Variants in THSD7B observed in about 807,000 individuals in gnomAD.
THSD7B encodes thrombospondin type 1 domain containing 7B.
In THSD7B, 138 loss-of-function variants were observed where a neutral mutation model predicts 213.6. That is an observed-to-expected ratio of 0.65 (90% CI 0.56 to 0.74). THSD7B has a LOEUF of 0.74. THSD7B is among the 30% of genes least tolerant of loss of function. The pLI is 0.00. For synonymous variants in THSD7B, 742 were observed against 687.0 expected (o/e 1.08, Z -1.25); for missense variants, 1,931 against 1,991.5 (o/e 0.97, Z 0.58).
At chr2:137,238,534 C>CCT (rs1681819909) in intron 9 of THSD7B, among the ~76,000 whole-genome samples, 1 of 51,846 alleles carries the variant, frequency 1.9e-5, no homozygotes, top group Non-Finnish European at 3.5e-5. Flanking sequence ...ACTCATCTTT[C>CCT]TTTTTTTTTT....
chr2:137,131,642 T>C (rs1429042666), intron 5 of THSD7B, among the ~76,000 whole-genome samples: 3 of 152,218 alleles, frequency 2.0e-5, no homozygotes, highest in Admixed American at 2.0e-4. Context: ...AGGGAATCCT[T>C]TCCCCATTGC....
intron 1 of THSD7B, among the ~76,000 whole-genome samples, chr2:136,845,111 G>T (rs1022857777): frequency 5.9e-5 from 9 of 152,328 alleles, no homozygotes; most frequent in Non-Finnish European, 1.2e-4. Flanking sequence ...ACATGCTTTG[G>T]ATCTGGGAGG....
At chr2:137,428,532 C>T (rs1400102466) in intron 14 of THSD7B, among the ~76,000 whole-genome samples, 3 of 151,990 alleles carry the variant, frequency 2.0e-5, no homozygotes, top group African/African-American at 7.2e-5. Context: ...AGAGTGAAAA[C>T]AACCCAATTT....
At chr2:136,912,979 G>A (rs1357530927) in intron 2 of THSD7B, among the ~76,000 whole-genome samples, 2 of 152,238 alleles carry the variant, frequency 1.3e-5, no homozygotes, top group Admixed American at 6.5e-5. Flanking sequence ...AACAGACAGA[G>A]ATTGGAAGAG....
intron 3 of THSD7B, among the ~76,000 whole-genome samples, chr2:137,073,342 T>C (rs1011765243): frequency 2.0e-5 from 3 of 152,232 alleles, no homozygotes; most frequent in Non-Finnish European, 4.4e-5. Flanking sequence ...GGAGGATGTA[T>C]GTGTCGAGGA....
chr2:137,620,830 T>G (rs1000181620), intron 20 of THSD7B, 104 bp downstream of exon 20: 72 of 947,246 alleles, frequency 7.6e-5, no homozygotes, highest in Non-Finnish European at 1.8e-5. Flanking sequence ...CCAGCTGAAG[T>G]CAATATGAAA....
intron 7 of THSD7B, among the ~76,000 whole-genome samples, chr2:137,226,444 A>C (rs1219951422): frequency 6.6e-6 from 1 of 151,622 alleles, no homozygotes; most frequent in East Asian, 1.9e-4. Flanking sequence ...ATTATAGACT[A>C]TGCTGTTTGT....
intron 15 of THSD7B, among the ~76,000 whole-genome samples, chr2:137,549,310 C>CT (rs1027305359): frequency 0.022 from 552 of 25,146 alleles, 2 homozygotes; most frequent in Middle Eastern, 0.056. Flanking sequence ...TTCAGATGCT[C>CT]TTTTTTTTTT....
intron 7 of THSD7B, among the ~76,000 whole-genome samples, chr2:137,187,806 A>G (rs1680578667): frequency 6.6e-6 from 1 of 152,192 alleles, no homozygotes; most frequent in Non-Finnish European, 1.5e-5. Context: ...TATATAGTAT[A>G]TAATGTATAC....
chr2:137,310,012 G>C (rs893421513), intron 12 of THSD7B, among the ~76,000 whole-genome samples: 3 of 151,250 alleles, frequency 2.0e-5, no homozygotes, highest in Admixed American at 6.6e-5. Flanking sequence ...AGTCCTTTGG[G>C]TATATACCCA....
chr2:137,257,323 A>T (rs1217336222), intron 10 of THSD7B, among the ~76,000 whole-genome samples: 1 of 152,114 alleles, frequency 6.6e-6, no homozygotes, highest in Non-Finnish European at 1.5e-5. Context: ...ACATAACTGG[A>T]TGATTATGCA....
intron 2 of THSD7B, among the ~76,000 whole-genome samples, chr2:137,017,527 A>G (rs1413248589): frequency 2.6e-5 from 4 of 152,088 alleles, no homozygotes; most frequent in East Asian, 3.9e-4. Context: ...ATAGAAGCCA[A>G]TATCATCTGC....
intron 2 of THSD7B, among the ~76,000 whole-genome samples, chr2:136,950,224 C>A (rs1685011614): frequency 6.6e-6 from 1 of 151,952 alleles, no homozygotes; most frequent in African/African-American, 2.4e-5. Flanking sequence ...TGCACTCTAG[C>A]CTGGGCGACA....
rs868822331 is a variant in THSD7B, at chr2:137,546,404, T to A, written c.3139-16817T>A. 5.0e-3 allele frequency among the ~76,000 whole-genome samples: 199 copies of A among 39,800 alleles called. 22 individuals carry two copies. Among genetic ancestry groups the A allele is most frequent in the Middle Eastern group, 0.046 (5 of 108 alleles). 26.1% of individuals were successfully genotyped at this position (39,800 alleles called of 152,430 possible). On this transcript the variant is annotated intron_variant, in intron 15 of 27. Transcript: ENST00000409968. Reference sequence around the variant, plus strand: ...ATATATATTATATATATTATATATATTATATATATATTATATATATTATAT... The same window carrying A: ...ATATATATTATATATATTATATATAATATATATATATTATATATATTATAT...
intron 6 of THSD7B, among the ~76,000 whole-genome samples, chr2:137,162,880 C>T (rs544823068): frequency 1.1e-4 from 16 of 152,268 alleles, no homozygotes; most frequent in African/African-American, 3.9e-4. Flanking sequence ...CTGCCTCAGC[C>T]TCCCGAGTAG....
chr2:137,414,763 A>G, intron 14 of THSD7B, among the ~76,000 whole-genome samples: 1 of 150,856 alleles, frequency 6.6e-6, no homozygotes, highest in Non-Finnish European at 1.5e-5. Flanking sequence ...ACTATTAAGA[A>G]TTATATTATA....
intron 15 of THSD7B, among the ~76,000 whole-genome samples, chr2:137,534,256 G>C (rs1336916314): frequency 2.6e-5 from 4 of 151,600 alleles, no homozygotes; most frequent in Admixed American, 6.6e-5. Flanking sequence ...GGATTAATGA[G>C]AATAAGGGTT....
intron 19 of THSD7B, 34 bp from the exon 20 acceptor site, chr2:137,620,575 C>T: frequency 6.5e-7 from 1 of 1,535,842 alleles, no homozygotes. Context: ...AGAGTGATTT[C>T]TCCAATAAAG....
intron 5 of THSD7B, among the ~76,000 whole-genome samples, chr2:137,154,737 T>A (rs1290310960): frequency 6.6e-6 from 1 of 152,198 alleles, no homozygotes; most frequent in Non-Finnish European, 1.5e-5. Flanking sequence ...ATACTAATAA[T>A]CACAACAGGC....
Sources: gnomAD v4.1 joint callset for allele counts (sites outside exome capture counted in the v4.1 genomes callset) on GRCh38, gnomAD v4.1.1 for gene constraint, MANE v1.5 for transcripts, NCBI Gene and HGNC (gene_info 2026-07-23, HGNC 2026-07-21) for gene names.